SLC36A1: variants seen among roughly 807,000 people sequenced by gnomAD.
SLC36A1 encodes the protein solute carrier family 36 member 1, also known as proton-coupled amino acid transporter 1.
In SLC36A1, 30 loss-of-function variants were observed where a neutral mutation model predicts 47.5. That is an observed-to-expected ratio of 0.63 (90% CI 0.47 to 0.86). The LOEUF is 0.86. Ranked by LOEUF, SLC36A1 falls within the 40% of genes least tolerant of loss-of-function variation. SLC36A1 has a pLI of 0.00. For missense variants in SLC36A1, 517 were observed against 606.0 expected, an observed-to-expected ratio of 0.85 and a Z score of 1.54; for synonymous variants, 255 against 249.7, an observed-to-expected ratio of 1.02 and a Z score of -0.20.
Position 151,458,714 on chromosome 5 carries a change from C to A in SLC36A1, c.-5-74C>A, listed in dbSNP as rs575225340. ...CAACTCTGACAATGACAGCTTCTAC[C>A]CCAGAGGCCACCCCAAATATGGAGC... On this transcript the variant is annotated intron_variant, in intron 1 of 10. Transcript: ENST00000243389. 9.2e-6 allele frequency: 14 copies of A among 1,526,154 alleles called. No individual in the cohort carries two copies. In the South Asian group the frequency reaches 1.3e-4, roughly 15 times the overall value. The allele number at this position is 1,526,154 out of a possible 1,614,324, so 94.5% of individuals were successfully genotyped here. A position where few individuals can be genotyped will look rare whatever the true frequency, so the allele number is the denominator to read the frequency against.
chr5:151,505,754 C>A, the SLC36A1 span: 1 of 1,613,172 alleles, frequency 6.2e-7, no homozygotes, highest in Non-Finnish European at 8.5e-7. Context: ...CCAGGCAGGG[C>A]CCTCCCCCTC....
rs528588373 is a variant in SLC36A1 at position 151,438,130 on chromosome 5, TC to T, written c.-6+954del. 8.5e-5 allele frequency among the ~76,000 whole-genome samples: 13 copies of T among 152,298 alleles called. No homozygotes were observed. The South Asian group carries it at 2.7e-3, about 32-fold the overall frequency. ...CCTTTTGCTATCTAAGGTAACAAGTTCCCGAGATTAATTAACGTCTTTGGGA... is the reference window on the plus strand; with the variant it reads ...CCTTTTGCTATCTAAGGTAACAAGTTCCGAGATTAATTAACGTCTTTGGGA... On this transcript the variant is annotated intron_variant, in intron 1 of 8. Coordinates refer to the SLC36A1 transcript ENST00000429484.
At chr5:151,500,813 T>C in the SLC36A1 span, among the ~76,000 whole-genome samples, 3 of 152,272 alleles carry the variant, frequency 2.0e-5, no homozygotes, top group Admixed American at 2.0e-4. Context: ...CAAGTCTGCC[T>C]GAGCCCCAGT....
chr5:151,472,816 T>C lies in SLC36A1; in HGVS notation c.724-857T>C, dbSNP rs150169337. Among the ~76,000 whole-genome samples, 114 of 152,350 alleles carry C rather than the reference T, an allele frequency of 7.5e-4. No individual in the cohort carries two copies. The East Asian group carries it at 8.7e-3, about 12-fold the overall frequency. On this transcript the variant is annotated intron_variant, in intron 7 of 10. Transcript: ENST00000243389. ...AATTAAAATTAAAATTTTTTCTCAC[T>C]AATATTTCGTAAGTAGTTTTTCATG...
At chr5:151,455,023 A>G (rs1441606582) in intron 1 of SLC36A1, among the ~76,000 whole-genome samples, 1 of 152,144 alleles carries the variant, frequency 6.6e-6, no homozygotes, top group Non-Finnish European at 1.5e-5. Context: ...ACCCCTGGAT[A>G]TACCACAATT....
chr5:151,548,900 T>C, the SLC36A1 span, among the ~76,000 whole-genome samples: 1 of 152,204 alleles, frequency 6.6e-6, no homozygotes, highest in African/African-American at 2.4e-5. Flanking sequence ...ACTAAATCAC[T>C]GTGGAGCCTT....
chr5:151,478,833 CTTTT>C (rs138808455), intron 9 of SLC36A1, among the ~76,000 whole-genome samples: 37 of 151,736 alleles, frequency 2.4e-4, no homozygotes, highest in Non-Finnish European at 4.4e-5. Context: ...CCTCTTTTTT[CTTTT>C]TTAAGACAAA....
At chr5:151,529,360 C>T in the SLC36A1 span, 1 of 1,614,014 alleles carries the variant, frequency 6.2e-7, no homozygotes, top group Non-Finnish European at 8.5e-7. Context: ...GGGCTTGTCT[C>T]AAAGTCCAGG....
At chr5:151,409,505 C>T in the SLC36A1 span, among the ~76,000 whole-genome samples, 4 of 152,212 alleles carry the variant, frequency 2.6e-5, no homozygotes, top group Non-Finnish European at 5.9e-5. Context: ...TTTTGGTCTC[C>T]TCACATGATT....
chr5:151,487,722 G>A (rs1419737922), intron 10 of SLC36A1, among the ~76,000 whole-genome samples: 1 of 152,164 alleles, frequency 6.6e-6, no homozygotes, highest in Non-Finnish European at 1.5e-5. Context: ...GTCATGTGCT[G>A]TAGCCGGAAA....
At chr5:151,401,407 A>G in the SLC36A1 span, among the ~76,000 whole-genome samples, 5 of 152,082 alleles carry the variant, frequency 3.3e-5, no homozygotes, top group African/African-American at 1.2e-4. Flanking sequence ...TACCAATACC[A>G]TGCTGTTTTT....
the SLC36A1 span, among the ~76,000 whole-genome samples, chr5:151,389,439 C>A: frequency 4.5e-3 from 679 of 151,296 alleles, 7 homozygotes; most frequent in African/African-American, 0.016. Context: ...ACTTTAAGTT[C>A]TAGGGTACAT....
the SLC36A1 span, among the ~76,000 whole-genome samples, chr5:151,427,986 A>T: frequency 6.6e-6 from 1 of 152,180 alleles, no homozygotes; most frequent in African/African-American, 2.4e-5. Context: ...CAGCAGCAGC[A>T]CCAGCAGATC....
At chr5:151,403,163 C>T in the SLC36A1 span, among the ~76,000 whole-genome samples, 2 of 152,068 alleles carry the variant, frequency 1.3e-5, no homozygotes, top group African/African-American at 4.8e-5. Context: ...ACTTTCCTCT[C>T]AACACTGCTT....
the SLC36A1 span, among the ~76,000 whole-genome samples, chr5:151,359,690 T>C: frequency 6.6e-6 from 1 of 152,242 alleles, no homozygotes; most frequent in Non-Finnish European, 1.5e-5. Context: ...ACTGATGTGC[T>C]CTTTGCCTCT....
chr5:151,407,800 T>TA, the SLC36A1 span, among the ~76,000 whole-genome samples: 1 of 152,208 alleles, frequency 6.6e-6, no homozygotes, highest in African/African-American at 2.4e-5. Flanking sequence ...TGACCAGAGA[T>TA]GCTTAGGAAA....
chr5:151,404,343 GT>G, the SLC36A1 span, among the ~76,000 whole-genome samples: 1 of 152,114 alleles, frequency 6.6e-6, no homozygotes, highest in African/African-American at 2.4e-5. Flanking sequence ...AACAGTAGAT[GT>G]TTAAGTCTTA....
the SLC36A1 span, chr5:151,380,373 G>A: frequency 2.5e-5 from 9 of 360,916 alleles, no homozygotes; most frequent in South Asian, 2.1e-4. Flanking sequence ...GTGGGGCGAG[G>A]ACCAGAGTGA....
chr5:151,412,770 T>G, the SLC36A1 span: 8 of 144,482 alleles, frequency 5.5e-5, 1 homozygote, highest in Non-Finnish European at 1.1e-4. Context: ...AAAAGGATGA[T>G]GTGAACCTTA....
Sources: gnomAD v4.1 joint callset for allele counts (sites outside exome capture counted in the v4.1 genomes callset) on GRCh38, gnomAD v4.1.1 for gene constraint, MANE v1.5 for transcripts, NCBI Gene and HGNC (gene_info 2026-07-23, HGNC 2026-07-21) for gene names.